SH2B2: variants seen among roughly 807,000 people sequenced by gnomAD.
SH2B2 encodes SH2B adaptor protein 2, also known as SH2B adapter protein 2.
In SH2B2, 37 loss-of-function variants were observed where a neutral mutation model predicts 35.7. The ratio of observed to expected loss-of-function variants is 1.04; its 90% CI spans 0.80 to 1.36. The LOEUF is 1.36. Among genes scored for constraint, SH2B2 ranks in the 40% most tolerant of loss-of-function variants. The pLI is 0.00. For missense variants in SH2B2, 852 were observed against 817.7 expected (o/e 1.04, Z -0.51); for synonymous variants, 383 against 376.4 (o/e 1.02, Z -0.20).
rs782187093 is a variant in SH2B2, at chr7:102,300,947, A to G, written c.397A>G (p.Lys133Glu). The G allele has an allele frequency of 1.5e-5, 23 of 1,487,864 alleles. No individual in the cohort carries two copies. The highest frequency in any genetic ancestry group is 2.0e-5 in the Non-Finnish European group (22 of 1,122,428). The allele number at this position is 1,487,864 out of a possible 1,614,324, so 92.2% of individuals were successfully genotyped here. Residue 133 changes from lysine (K) to glutamate (E), a missense_variant, in exon 2 of 9, where the codon AAG (lysine) becomes GAG (glutamate). Physicochemically the swap from Lys to Glu is moderately conservative, Grantham distance 56 (BLOSUM62 1). Coordinates refer to ENST00000444095, the MANE Select transcript of SH2B2 (RefSeq NM_001359228.2). The stretch of plus-strand genomic sequence containing the variant: ...CGCGGCCACCAAGGCCCGCGTTCGC[A>G]AGGGCTTCTCGCTGCGCAACATGAG... ...THAATKARVR[K>E]GFSLRNMSLC...
At position 102,321,670 on chromosome 7, in the gene SH2B2, G is replaced by T; in HGVS notation, c.*40G>T. 3.6e-6 allele frequency: 4 copies of T among 1,107,720 alleles called. No homozygotes were observed. Among genetic ancestry groups the T allele is most frequent in the Non-Finnish European group, 4.4e-6 (4 of 906,680 alleles). 68.6% of individuals were successfully genotyped at this position (1,107,720 alleles called of 1,614,324 possible). ...CGGGTGGGACACGCCAAGCTCTTCAGTGAAGACACGATGTTATTAAAAGCC... is the reference window on the plus strand; with the variant it reads ...CGGGTGGGACACGCCAAGCTCTTCATTGAAGACACGATGTTATTAAAAGCC... On this transcript the variant is annotated 3_prime_UTR_variant, in exon 9 of 9. Transcript: ENST00000444095.
intron 1 of SH2B2, among the ~76,000 whole-genome samples, chr7:102,299,012 C>T (rs1206033552): frequency 1.4e-5 from 2 of 147,714 alleles, no homozygotes; most frequent in African/African-American, 2.5e-5. Context: ...GCTCCGCCTC[C>T]GAGGTTCACG....
At chr7:102,288,964 C>T (rs1240492141) in intron 1 of SH2B2, among the ~76,000 whole-genome samples, 5 of 152,206 alleles carry the variant, frequency 3.3e-5, no homozygotes, top group Non-Finnish European at 7.3e-5. Flanking sequence ...CCCGGGGCTA[C>T]GCTCATTCTT....
chr7:102,304,466 C>G (rs982351835), intron 2 of SH2B2, among the ~76,000 whole-genome samples: 1 of 152,212 alleles, frequency 6.6e-6, no homozygotes, highest in Non-Finnish European at 1.5e-5. Flanking sequence ...GCTTGCAAAT[C>G]TTACTGGGGT....
At chr7:102,308,353 G>A (rs533091876) in intron 3 of SH2B2, among the ~76,000 whole-genome samples, 44 of 152,330 alleles carry the variant, frequency 2.9e-4, no homozygotes, top group Non-Finnish European at 4.8e-4. Context: ...CAGAGGCTTC[G>A]TATCTCAAGC....
chr7:102,320,959 G>A (rs1469240991), intron 8 of SH2B2, among the ~76,000 whole-genome samples: 5 of 152,128 alleles, frequency 3.3e-5, no homozygotes, highest in African/African-American at 7.2e-5. Context: ...GTGTGCGTAC[G>A]CTTACGTGTG....
intron 3 of SH2B2, among the ~76,000 whole-genome samples, chr7:102,307,319 G>A (rs1207194873): frequency 4.6e-5 from 7 of 152,332 alleles, no homozygotes; most frequent in South Asian, 2.1e-4. Flanking sequence ...CGCTGCCAGG[G>A]TGGCCTGCAG....
chr7:102,291,796 C>T (rs564861262), intron 1 of SH2B2, among the ~76,000 whole-genome samples: 3 of 152,276 alleles, frequency 2.0e-5, no homozygotes, highest in East Asian at 3.9e-4. Context: ...GCAGAGACTG[C>T]GCTGTGTGCT....
intron 2 of SH2B2, among the ~76,000 whole-genome samples, chr7:102,306,293 T>C (rs1410772871): frequency 6.6e-6 from 1 of 151,912 alleles, no homozygotes; most frequent in African/African-American, 2.4e-5. Context: ...TTCTCCATGT[T>C]GGTCAGGCTG....
intron 1 of SH2B2, among the ~76,000 whole-genome samples, chr7:102,296,995 CA>C (rs1361142005): frequency 6.6e-6 from 1 of 151,826 alleles, no homozygotes; most frequent in Non-Finnish European, 1.5e-5. Context: ...AAACAAAAAA[CA>C]AAAAAACGCT....
chr7:102,297,394 T>TACAC lies in SH2B2; in HGVS notation c.-29-3095_-29-3092dup, dbSNP rs3988122. ...CATCAATAGAGTGAGATCCCATCTC[T>TACAC]ACACACACACACACACACACACACA... On this transcript the variant is annotated intron_variant, in intron 1 of 8. Coordinates refer to ENST00000444095, the MANE Select transcript of SH2B2 (RefSeq NM_001359228.2). This position sits in a 1 kb window ranked among gnomAD's most constrained non-coding sequence, Gnocchi z 4.3. Among the ~76,000 whole-genome samples, 8,329 of 144,476 alleles carry TACAC rather than the reference T, an allele frequency of 0.058. 445 individuals are homozygous for TACAC. The highest frequency in any genetic ancestry group is 0.14 in the African/African-American group (5,471 of 38,718). 94.8% of individuals were successfully genotyped at this position (144,476 alleles called of 152,430 possible).
chr7:102,308,628 C>CT (rs1187479486), intron 3 of SH2B2, among the ~76,000 whole-genome samples, 187 bp from the exon 4 acceptor site: 1 of 152,232 alleles, frequency 6.6e-6, no homozygotes, highest in Non-Finnish European at 1.5e-5. Flanking sequence ...AGAGTGTGAG[C>CT]TGGGTCCCTG....
rs900122285 is a variant in SH2B2 at position 102,317,937 on chromosome 7, G to C, written c.1395+542G>C. ...AGGAGCTGGGCTGGGTGGGAGAGCT[G>C]TGCAGGGTCTAGGGGGTGGGGTTCA... is the stretch of plus-strand genomic sequence containing the variant. On this transcript the variant is annotated intron_variant, in intron 7 of 8. Transcript: ENST00000444095. 2.0e-5 allele frequency among the ~76,000 whole-genome samples: 3 copies of C among 152,098 alleles called. 1 individual carries two copies. In the South Asian group the frequency reaches 6.2e-4, roughly 32 times the overall value.
At chr7:102,301,467 CG>C (rs564192450) in intron 2 of SH2B2, among the ~76,000 whole-genome samples, 188 bp downstream of exon 2, 102 of 152,202 alleles carry the variant, frequency 6.7e-4, no homozygotes, top group Admixed American at 1.3e-3. Flanking sequence ...CCTTCAACCC[CG>C]GTTCTTCCTT....
intron 2 of SH2B2, among the ~76,000 whole-genome samples, chr7:102,304,235 T>C (rs1317559957): frequency 6.6e-6 from 1 of 152,084 alleles, no homozygotes; most frequent in Non-Finnish European, 1.5e-5. Context: ...TCAGAAGCCA[T>C]TGCCTGGCAC....
chr7:102,311,720 G>T (rs376535378), intron 4 of SH2B2, among the ~76,000 whole-genome samples: 1 of 151,974 alleles, frequency 6.6e-6, no homozygotes, highest in African/African-American at 2.4e-5. Context: ...AGATTAATAG[G>T]AGAAAAAGCA....
Position 102,300,690 on chromosome 7 carries a change from G to A in SH2B2, c.140G>A (p.Arg47Gln), listed in dbSNP as rs1554553444. 1.9e-6 allele frequency: 3 copies of A among 1,546,162 alleles called. No homozygotes were observed. The highest frequency in any genetic ancestry group is 4.9e-5 in the East Asian group (2 of 40,788). The change falls in exon 2 of 9, where the codon CGG becomes CAG. Residue 47 changes from arginine (R) to glutamine (Q), a missense_variant. This residue lies in a region of SH2B2 where 294 missense variants were observed against 286.6 expected (regional missense o/e 1.03). Coordinates refer to ENST00000444095, the MANE Select transcript of SH2B2 (RefSeq NM_001359228.2). ...DFAHKFCRFL[R>Q]DNPAYDTPDA... ...GCGCACAAGTTCTGCCGTTTCCTGC[G>A]GGACAACCCAGCTTACGACACGCCC...
At chr7:102,316,349 A>T (rs1563567535) in intron 6 of SH2B2, among the ~76,000 whole-genome samples, 1 of 152,014 alleles carries the variant, frequency 6.6e-6, no homozygotes, top group African/African-American at 2.4e-5. Context: ...GCACTTTGGG[A>T]GGCCAAGACG....
At chr7:102,315,590 C>T (rs782550988) in intron 6 of SH2B2, among the ~76,000 whole-genome samples, 2 of 151,626 alleles carry the variant, frequency 1.3e-5, no homozygotes, top group Non-Finnish European at 2.9e-5. Flanking sequence ...TGTGAGCCAC[C>T]ACGCCTGGCC....
Sources: gnomAD v4.1 joint callset for allele counts (sites outside exome capture counted in the v4.1 genomes callset) on GRCh38, gnomAD v4.1.1 for gene constraint, gnomAD v4.1.1 regional missense constraint, Gnocchi (gnomAD v3.1) non-coding constraint, MANE v1.5 for transcripts, NCBI Gene and HGNC (gene_info 2026-07-23, HGNC 2026-07-21) for gene names.